Variants in PIK3C3 observed in about 807,000 individuals in gnomAD.
The protein encoded by PIK3C3 is phosphatidylinositol 3-kinase catalytic subunit type 3.
A neutral mutation model predicts 126.1 loss-of-function variants in PIK3C3; 95 were observed. The observed-to-expected ratio is 0.75, with a 90% CI of 0.64 to 0.89. The LOEUF (loss-of-function observed/expected upper bound fraction) is 0.89, where lower values mean the gene tolerates loss of function less well. Among genes scored for constraint, PIK3C3 ranks in the 40% least tolerant of loss-of-function variants. The pLI, the probability that PIK3C3 is intolerant of heterozygous loss-of-function variation, is 0.00. For synonymous variants in PIK3C3, 374 were observed against 360.0 expected (o/e 1.04, Z -0.44); for missense variants, 829 against 1,063.2 (o/e 0.78, Z 3.06).
intron 9 of PIK3C3, among the ~76,000 whole-genome samples, chr18:42,003,803 T>C (rs1982407311): frequency 6.6e-6 from 1 of 152,202 alleles, no homozygotes; most frequent in Admixed American, 6.5e-5. Flanking sequence ...TTGGATTGCC[T>C]ATCTTTTTAA....
At chr18:42,056,121 C>T (rs1359633243) in intron 21 of PIK3C3, among the ~76,000 whole-genome samples, 5 of 151,944 alleles carry the variant, frequency 3.3e-5, no homozygotes, top group Non-Finnish European at 7.4e-5. Context: ...TGAACCTTTA[C>T]AAATTGCATT....
At chr18:42,010,808 C>G (rs796850949) in intron 10 of PIK3C3, among the ~76,000 whole-genome samples, 18 of 152,270 alleles carry the variant, frequency 1.2e-4, no homozygotes, top group African/African-American at 4.3e-4. Context: ...TTTATTTTGC[C>G]CAGATCCATT....
intron 13 of PIK3C3, among the ~76,000 whole-genome samples, chr18:42,021,870 C>A (rs1348366307): frequency 5.9e-5 from 9 of 151,484 alleles, no homozygotes; most frequent in Admixed American, 1.3e-4. Flanking sequence ...ATTCAAAAAT[C>A]AAAAAAAACT....
intron 13 of PIK3C3, chr18:42,026,846 C>T (rs184341634): frequency 2.6e-5 from 4 of 152,206 alleles, no homozygotes; most frequent in African/African-American, 9.6e-5. Flanking sequence ...ATTGTATAAG[C>T]AGATGAGGGT....
In PIK3C3 at chr18:42,015,523, C is replaced by T. The variant is rs190666121; in HGVS notation, c.1373C>T (p.Pro458Leu). Reference sequence around the variant, plus strand: ...CTTCCTTCAGTCTCTTCACCTCCTCCTGCATCAAAAACAAAAGAAGTTCCA... The same window carrying T: ...CTTCCTTCAGTCTCTTCACCTCCTCTTGCATCAAAAACAAAAGAAGTTCCA... The part of the protein sequence containing the change: ...SPLPSVSSPP[P>L]ASKTKEVPDG... The change falls in exon 12 of 25, where the codon CCT becomes CTT. Residue 458 changes from proline (P) to leucine (L), a missense_variant. Around this residue, in one of 4 missense-constraint regions of PIK3C3, gnomAD observed 256 missense variants for 291.0 expected, o/e 0.88. Coordinates refer to ENST00000262039, the MANE Select transcript of PIK3C3 (RefSeq NM_002647.4). 6.2e-7 allele frequency: 1 copy of T among 1,613,726 alleles called. No homozygotes were observed. The highest frequency in any genetic ancestry group is 1.3e-5 in the African/African-American group (1 of 75,008).
chr18:41,959,286 A>G (rs772144017), intron 2 of PIK3C3, among the ~76,000 whole-genome samples: 1 of 152,192 alleles, frequency 6.6e-6, no homozygotes, highest in African/African-American at 2.4e-5. Context: ...CTCAATTACA[A>G]GATTAAAGGT....
intron 24 of PIK3C3, among the ~76,000 whole-genome samples, chr18:42,076,196 A>ATATATATATATATG (rs879781011): frequency 1.9e-5 from 2 of 106,798 alleles, no homozygotes; most frequent in African/African-American, 4.2e-5. Context: ...ATATATGCAC[A>ATATATATATATATG]CATATATATA....
chr18:42,020,845 T>G (rs977899710), intron 13 of PIK3C3, 140 bp downstream of exon 13: 11 of 563,530 alleles, frequency 2.0e-5, no homozygotes, highest in Non-Finnish European at 3.2e-5. Flanking sequence ...TCTAACTGTA[T>G]TCCCTGACAG....
chr18:41,957,506 TTATG>T, intron 1 of PIK3C3, 60 bp from the exon 2 acceptor site: 1 of 1,466,638 alleles, frequency 6.8e-7, no homozygotes. Context: ...TGCTTAGTAC[TTATG>T]TATATATGTA....
intron 21 of PIK3C3, among the ~76,000 whole-genome samples, chr18:42,051,511 A>G (rs1984802175): frequency 6.6e-6 from 1 of 151,974 alleles, no homozygotes; most frequent in African/African-American, 2.4e-5. Context: ...ATAATTTGGA[A>G]TGTCATATAT....
chr18:42,040,580 G>T, intron 18 of PIK3C3, 97 bp from the exon 19 acceptor site: 2 of 785,006 alleles, frequency 2.5e-6, no homozygotes, highest in East Asian at 2.5e-5. Flanking sequence ...GATATGGAAT[G>T]CATTTATTCA....
At chr18:42,040,629 T>C (rs543763907) in intron 18 of PIK3C3, 48 bp from the exon 19 acceptor site, 10 of 1,267,160 alleles carry the variant, frequency 7.9e-6, no homozygotes, top group Middle Eastern at 3.7e-4. Context: ...TTATTTTTAT[T>C]TCTTAACCAG....
chr18:42,057,066 C>G (rs1433211291), intron 21 of PIK3C3, among the ~76,000 whole-genome samples: 3 of 97,452 alleles, frequency 3.1e-5, no homozygotes, highest in Non-Finnish European at 6.0e-5. Flanking sequence ...GAACCCCCCC[C>G]CCCGTGTTGA....
chr18:42,071,248 T>A (rs1007282360), intron 24 of PIK3C3, among the ~76,000 whole-genome samples: 2 of 152,218 alleles, frequency 1.3e-5, no homozygotes, highest in Non-Finnish European at 2.9e-5. Flanking sequence ...TAAATATCAT[T>A]TCTTAGCTCT....
intron 18 of PIK3C3, among the ~76,000 whole-genome samples, chr18:42,040,105 C>A (rs1340989300): frequency 2.1e-5 from 3 of 143,778 alleles, no homozygotes; most frequent in Non-Finnish European, 4.5e-5. Context: ...TGTCTTCAGA[C>A]TTATCAGACT....
At chr18:41,958,171 TTTA>T (rs1227497426) in intron 2 of PIK3C3, among the ~76,000 whole-genome samples, 7 of 152,070 alleles carry the variant, frequency 4.6e-5, no homozygotes, top group African/African-American at 9.7e-5. Flanking sequence ...AGATAAAATT[TTTA>T]TTATTATTTT....
At chr18:41,990,426 A>G (rs780659124) in intron 5 of PIK3C3, 33 bp from the exon 6 acceptor site, 21 of 1,217,814 alleles carry the variant, frequency 1.7e-5, no homozygotes, top group Non-Finnish European at 2.3e-5. Flanking sequence ...GTTGAAAATA[A>G]TCATTTTTCA....
In PIK3C3 at chr18:41,955,425, T is replaced by C. The variant is rs768300714; in HGVS notation, c.68+66T>C. On this transcript the variant is annotated intron_variant, in intron 1 of 24. Coordinates refer to ENST00000262039, the MANE Select transcript of PIK3C3 (RefSeq NM_002647.4). ...GTAGGGACGTGGGGGCAGGGGCCTG[T>C]TGGGAGTGAGAGGCAGAAAGTACGT... is the stretch of plus-strand genomic sequence containing the variant. 20 of 1,379,448 alleles carry C rather than the reference T, an allele frequency of 1.4e-5. No homozygotes were observed. The Middle Eastern group carries it at 1.1e-3, about 76-fold the overall frequency. 85.5% of individuals were successfully genotyped at this position (1,379,448 alleles called of 1,614,324 possible). A position where few individuals can be genotyped will look rare whatever the true frequency, so the allele number is the denominator to read the frequency against.
rs1159514042 is a variant in PIK3C3, at chr18:42,084,593, A to G, written c.*3456A>G. 1 of 146,256 alleles carries G rather than the reference A, an allele frequency of 6.8e-6. No individual in the cohort carries two copies. The highest frequency in any genetic ancestry group is 1.5e-5 in the Non-Finnish European group (1 of 66,338). The allele number at this position is 146,256 out of a possible 1,614,324, so 9.1% of individuals were successfully genotyped here. A position where few individuals can be genotyped will look rare whatever the true frequency, so the allele number is the denominator to read the frequency against. On this transcript the variant is annotated 3_prime_UTR_variant, in exon 25 of 25. Transcript: ENST00000262039. The stretch of plus-strand genomic sequence containing the variant: ...AGTAGCTAAAAACAAACCAAAAAAA[A>G]AAAAAAAAAAAAAGGAAAAACAGAA...
Sources: allele counts gnomAD v4.1 joint callset (sites outside exome capture counted in the v4.1 genomes callset), GRCh38; gene constraint gnomAD v4.1.1; regional missense constraint gnomAD v4.1.1; transcripts MANE v1.5; gene names NCBI Gene and HGNC (gene_info 2026-07-23, HGNC 2026-07-21).